Variants in PAG1 observed in about 807,000 individuals in gnomAD.
The protein encoded by PAG1 is phosphoprotein membrane anchor with glycosphingolipid microdomains 1.
Under a neutral mutation model 31.7 loss-of-function variants are expected in PAG1, and 23 were observed. That is an observed-to-expected ratio of 0.73 (90% CI 0.52 to 1.03). The LOEUF is 1.03. Among genes scored for constraint, PAG1 ranks in the 50% least tolerant of loss-of-function variants. PAG1 has a pLI of 0.00. For synonymous variants in PAG1, 214 were observed against 210.3 expected, an observed-to-expected ratio of 1.02 and a Z score of -0.15; for missense variants, 473 against 540.7, an observed-to-expected ratio of 0.87 and a Z score of 1.24.
At chr8:81,052,484 G>T (rs1039659370) in intron 2 of PAG1, among the ~76,000 whole-genome samples, 1 of 152,126 alleles carries the variant, frequency 6.6e-6, no homozygotes, top group East Asian at 1.9e-4. Context: ...ATGGTGGGTG[G>T]CATTTTTCTC....
At chr8:81,056,924 C>A (rs1335380885) in intron 2 of PAG1, among the ~76,000 whole-genome samples, 3 of 152,190 alleles carry the variant, frequency 2.0e-5, no homozygotes, top group Non-Finnish European at 2.9e-5. Flanking sequence ...TGAACAGACA[C>A]TTCTCAAAAG....
intron 3 of PAG1, among the ~76,000 whole-genome samples, chr8:81,010,323 C>G (rs1807959714): frequency 6.6e-6 from 1 of 152,158 alleles, no homozygotes; most frequent in Admixed American, 6.5e-5. Context: ...CATAAAGACT[C>G]AGATTTAGAA....
intron 1 of PAG1, among the ~76,000 whole-genome samples, chr8:81,104,147 GAGTAAA>G (rs1809654520): frequency 6.6e-6 from 1 of 152,084 alleles, no homozygotes; most frequent in Non-Finnish European, 1.5e-5. Context: ...GAAACTCTAG[GAGTAAA>G]AGCCACCATT....
intron 2 of PAG1, among the ~76,000 whole-genome samples, chr8:81,038,462 G>A (rs1188131108): frequency 2.6e-5 from 4 of 152,120 alleles, no homozygotes; most frequent in African/African-American, 4.8e-5. Flanking sequence ...TTAAGCTCTG[G>A]TTATTCGCCT....
rs1807599014 is a variant in PAG1 at position 80,993,325 on chromosome 8, C to G, written c.-80-18G>C. 1.6e-6 allele frequency: 2 copies of G among 1,241,122 alleles called. No homozygotes were observed. The highest frequency in any genetic ancestry group is 2.2e-6 in the Non-Finnish European group (2 of 907,124). 76.9% of individuals were successfully genotyped at this position (1,241,122 alleles called of 1,614,324 possible). A position where few individuals can be genotyped will look rare whatever the true frequency, so the allele number is the denominator to read the frequency against. ...GCTGTGTCCTGCAAAGAGACCAGTG[C>G]GTTTGGAGAGTAATTCTCGGGTAAA... On this transcript the variant is annotated intron_variant, in intron 3 of 8. Transcript: ENST00000220597.
At chr8:81,022,577 A>G (rs975330443) in intron 3 of PAG1, among the ~76,000 whole-genome samples, 1 of 152,214 alleles carries the variant, frequency 6.6e-6, no homozygotes, top group Non-Finnish European at 1.5e-5. Flanking sequence ...AAATCCATAT[A>G]TTAAAGGTAA....
intron 2 of PAG1, among the ~76,000 whole-genome samples, chr8:81,057,984 T>G (rs1808855417): frequency 6.6e-6 from 1 of 152,116 alleles, no homozygotes; most frequent in African/African-American, 2.4e-5. Context: ...AAGGGAGTAT[T>G]TACTGATAAC....
intron 8 of PAG1, among the ~76,000 whole-genome samples, chr8:80,978,777 A>G (rs1303963164): frequency 6.6e-6 from 1 of 152,136 alleles, no homozygotes; most frequent in Admixed American, 6.5e-5. Context: ...ATTCCTTTTG[A>G]CTGTTTTCTA....
intron 3 of PAG1, among the ~76,000 whole-genome samples, chr8:81,011,109 T>C (rs546585334): frequency 6.6e-5 from 10 of 152,342 alleles, no homozygotes; most frequent in South Asian, 2.1e-4. Flanking sequence ...ATATTATTTA[T>C]TGGCCTTTGT....
chr8:81,104,368 G>A (rs1321154352), intron 1 of PAG1, among the ~76,000 whole-genome samples: 1 of 136,266 alleles, frequency 7.3e-6, no homozygotes, highest in Non-Finnish European at 1.5e-5. Context: ...TCTTCTGACA[G>A]CCACCTTGGC....
chr8:81,001,321 T>C (rs1369559756), intron 3 of PAG1, among the ~76,000 whole-genome samples: 1 of 152,220 alleles, frequency 6.6e-6, no homozygotes, highest in Non-Finnish European at 1.5e-5. Context: ...ATTTATTGGA[T>C]GAATTAATAG....
chr8:81,037,474 T>G (rs1372172701), intron 2 of PAG1, among the ~76,000 whole-genome samples: 5 of 152,204 alleles, frequency 3.3e-5, no homozygotes, highest in African/African-American at 1.2e-4. Flanking sequence ...AGTAATCAAA[T>G]GACCGAAGTG....
chr8:81,079,888 C>G (rs1483830692), intron 1 of PAG1, among the ~76,000 whole-genome samples: 1 of 151,984 alleles, frequency 6.6e-6, no homozygotes, highest in Non-Finnish European at 1.5e-5. Flanking sequence ...CCCACCTCAG[C>G]CTCCTGAGTA....
intron 2 of PAG1, among the ~76,000 whole-genome samples, chr8:81,033,933 GT>G (rs1168934225): frequency 2.0e-5 from 3 of 152,230 alleles, no homozygotes; most frequent in African/African-American, 7.2e-5. Flanking sequence ...TGGGGAAGGA[GT>G]AATGATGTTG....
chr8:81,006,470 G>A (rs1807879117), intron 3 of PAG1, among the ~76,000 whole-genome samples: 1 of 152,112 alleles, frequency 6.6e-6, no homozygotes, highest in African/African-American at 2.4e-5. Context: ...CTGGTTCATA[G>A]TGTGAAAGTA....
rs1407494414 is a variant in PAG1, at chr8:80,980,497, G to A, written c.877-3C>T. The A allele has an allele frequency of 5.7e-6, 9 of 1,591,892 alleles. No individual in the cohort carries two copies. The highest frequency in any genetic ancestry group is 6.9e-6 in the Non-Finnish European group (8 of 1,160,190). ...TTGTATGACAATGAGCTAAATCTCT[G>A]TCAGAACAAACACAAGCCAAGGAAA... On this transcript the variant is annotated splice_region_variant and splice_polypyrimidine_tract_variant and intron_variant, in intron 7 of 8. Coordinates refer to ENST00000220597, the MANE Select transcript of PAG1 (RefSeq NM_018440.4).
chr8:80,996,480 G>A (rs1189232837), intron 3 of PAG1, among the ~76,000 whole-genome samples: 1 of 152,144 alleles, frequency 6.6e-6, no homozygotes, highest in Non-Finnish European at 1.5e-5. Context: ...TGCCTTCTCT[G>A]GCTATCTCCT....
chr8:81,040,888 G>C (rs1416113893), intron 2 of PAG1: 1 of 152,080 alleles, frequency 6.6e-6, no homozygotes, highest in Admixed American at 6.6e-5. Flanking sequence ...AGAGAAGAAG[G>C]AAAAAGAGAG....
At chr8:81,066,131 T>C (rs1393949759) in intron 2 of PAG1, among the ~76,000 whole-genome samples, 1 of 152,194 alleles carries the variant, frequency 6.6e-6, no homozygotes, top group Non-Finnish European at 1.5e-5. Flanking sequence ...ACATTTGGTG[T>C]CAACAAGAGA....
Sources: gnomAD v4.1 joint callset for allele counts (sites outside exome capture counted in the v4.1 genomes callset) on GRCh38, gnomAD v4.1.1 for gene constraint, MANE v1.5 for transcripts, NCBI Gene and HGNC (gene_info 2026-07-23, HGNC 2026-07-21) for gene names.